The following TSEN15 variants were observed in gnomAD, a reference collection of about 807,000 sequenced individuals.
TSEN15 encodes the protein tRNA splicing endonuclease subunit 15, also known as tRNA-splicing endonuclease subunit Sen15.
TSEN15 carries 10 observed loss-of-function variants against 20.5 expected under a neutral mutation model. That is an observed-to-expected ratio of 0.49 (90% confidence interval 0.30 to 0.83). The LOEUF (loss-of-function observed/expected upper bound fraction) is 0.83, where lower values mean the gene tolerates loss of function less well. Among genes scored for constraint, TSEN15 ranks in the 40% least tolerant of loss-of-function variants. The probability of loss-of-function intolerance (pLI) is 0.06; values close to 1 mark genes in which losing one functional copy is unlikely to be tolerated. For synonymous variants in TSEN15, 72 were observed against 80.1 expected (o/e 0.90, Z 0.54); for missense variants, 180 against 218.6 (o/e 0.82, Z 1.11).
chr1:184,082,001 A>G (rs1025743831), intron 3 of TSEN15, among the ~76,000 whole-genome samples: 8 of 152,306 alleles, frequency 5.3e-5, no homozygotes, highest in Non-Finnish European at 7.4e-5. Context: ...GATTTAGTGG[A>G]ACTCTGCGAG....
At chr1:184,074,610 A>G (rs563507419), downstream of TSEN15, among the ~76,000 whole-genome samples, 17 of 152,276 alleles carry the variant, frequency 1.1e-4, no homozygotes, top group Admixed American at 7.2e-4. Flanking sequence ...ATGTAATCAC[A>G]TACATCCCAT....
chr1:184,062,285 C>A (rs1442669295), intron 3 of TSEN15, among the ~76,000 whole-genome samples: 1 of 152,070 alleles, frequency 6.6e-6, no homozygotes, highest in Non-Finnish European at 1.5e-5. Flanking sequence ...TAGATTGTTT[C>A]TTTGCTAAAT....
intron 3 of TSEN15, chr1:184,095,144 T>C (rs1651425512): frequency 2.5e-6 from 1 of 398,444 alleles, no homozygotes; most frequent in Non-Finnish European, 4.4e-6. Flanking sequence ...GAGTAACCCA[T>C]GACTTGTTTG....
At chr1:184,072,091 T>G (rs1045812778) in intron 3 of TSEN15, 66 bp from the exon 4 acceptor site, 4 of 1,502,696 alleles carry the variant, frequency 2.7e-6, no homozygotes, top group Non-Finnish European at 3.6e-6. Flanking sequence ...TCTAGTGCTT[T>G]CTTCTGTCAC....
chr1:184,051,899 G>A lies in TSEN15; in HGVS notation c.135+9G>A. ...TGGGCACTCACCCTAAGGTCAGGAG[G>A]CGCGAGAGGAGCAGGGCGCCGTCCA... On this transcript the variant is annotated intron_variant, in intron 1 of 4. Transcript: ENST00000645668. 1 of 1,531,846 alleles carries A rather than the reference G, an allele frequency of 6.5e-7. No individual in the cohort carries two copies. Among genetic ancestry groups the A allele is most frequent in the South Asian group, 1.2e-5 (1 of 81,168 alleles). 94.9% of individuals were successfully genotyped at this position (1,531,846 alleles called of 1,614,324 possible).
chr1:184,067,419 A>G (rs918373519), intron 3 of TSEN15, among the ~76,000 whole-genome samples: 2 of 152,138 alleles, frequency 1.3e-5, no homozygotes, highest in Non-Finnish European at 2.9e-5. Flanking sequence ...GTTCCCTGAA[A>G]GTGAGAACTT....
chr1:184,067,941 A>AAAAATATAT (rs1400681024), intron 3 of TSEN15, among the ~76,000 whole-genome samples: 32 of 95,574 alleles, frequency 3.3e-4, no homozygotes, highest in Admixed American at 8.7e-4. Context: ...AAAAAAAAAA[A>AAAAATATAT]ATATATATAT....
At chr1:184,057,473 A>G (rs1650290232) in intron 3 of TSEN15, among the ~76,000 whole-genome samples, 1 of 152,196 alleles carries the variant, frequency 6.6e-6, no homozygotes, top group Admixed American at 6.5e-5. Flanking sequence ...GCAGTCTAGT[A>G]GAAAGAGCCC....
Position 184,055,919 on chromosome 1 carries a change from C to CTG in TSEN15, c.353+1057_353+1058insGT, listed in dbSNP as rs577408559. Among the ~76,000 whole-genome samples the CTG allele has an allele frequency of 2.6e-3, 400 of 152,094 alleles. 2 individuals are homozygous for CTG. Among genetic ancestry groups the CTG allele is most frequent in the African/African-American group, 5.9e-3 (243 of 41,428 alleles). ...ACGTGCTTTCACTGACCTGAGGTAACTCATTCTGAATTCCATGTACATTGG... is the reference window on the plus strand; with the variant it reads ...ACGTGCTTTCACTGACCTGAGGTAACTGTCATTCTGAATTCCATGTACATTGG... On this transcript the variant is annotated intron_variant, in intron 3 of 4. Coordinates refer to ENST00000645668, the MANE Select transcript of TSEN15 (RefSeq NM_052965.4).
chr1:184,073,000 TCC>T lies in TSEN15; in HGVS notation c.*156_*157del. ...GGTTTTCATTCTGAAGAGTAAAACT[TCC>T]CCAGGTAGAAGACTTTCTCCTTCTT... On this transcript the variant is annotated 3_prime_UTR_variant, in exon 5 of 5. Transcript: ENST00000645668. The T allele has an allele frequency of 1.5e-6, 1 of 680,128 alleles. No homozygotes were observed. Among genetic ancestry groups the T allele is most frequent in the Non-Finnish European group, 2.5e-6 (1 of 407,934 alleles). 42.1% of individuals were successfully genotyped at this position (680,128 alleles called of 1,614,324 possible). A position where few individuals can be genotyped will look rare whatever the true frequency, so the allele number is the denominator to read the frequency against.
Position 184,051,835 on chromosome 1 carries a change from G to T in TSEN15, c.80G>T (p.Gly27Val). The change falls in exon 1 of 5, where the codon GGC (glycine) becomes GTC (valine). Residue 27 changes from glycine to valine, a missense_variant. Physicochemically the swap from Gly to Val is moderately radical, Grantham distance 109. This residue lies in a region of TSEN15 where 76 missense variants were observed against 66.5 expected (regional missense o/e 1.14). Coordinates refer to ENST00000645668, the MANE Select transcript of TSEN15 (RefSeq NM_052965.4). ...GGCGGTGTTCGCGGCTTTGGCGACG[G>T]CGGTGGAGCTCCTTCGTGGGCCCCT... The part of the protein sequence containing the change: ...GPGGVRGFGD[G>V]GGAPSWAPED... The T allele has an allele frequency of 6.5e-7, 1 of 1,548,446 alleles. No homozygotes were observed. Among genetic ancestry groups the T allele is most frequent in the Non-Finnish European group, 8.7e-7 (1 of 1,146,898 alleles).
intron 3 of TSEN15, chr1:184,058,239 TG>T: frequency 2.4e-6 from 1 of 415,930 alleles, no homozygotes; most frequent in Non-Finnish European, 4.7e-6. Flanking sequence ...AATGATAACT[TG>T]GTAAGCCATT....
At chr1:184,090,595 T>C (rs1287613676) in intron 3 of TSEN15, among the ~76,000 whole-genome samples, 1 of 152,222 alleles carries the variant, frequency 6.6e-6, no homozygotes, top group Non-Finnish European at 1.5e-5. Flanking sequence ...TCTCCTTTCT[T>C]CCTCCATGTG....
At chr1:184,080,554 C>G (rs1272806749) in intron 3 of TSEN15, among the ~76,000 whole-genome samples, 4 of 152,132 alleles carry the variant, frequency 2.6e-5, no homozygotes, top group Non-Finnish European at 5.9e-5. Context: ...TTACATTATC[C>G]TCTGATACTT....
rs3736958 is a variant in TSEN15, at chr1:184,054,455, T to G, written c.217+20T>G. 5 of 1,569,362 alleles carry G rather than the reference T, an allele frequency of 3.2e-6. No individual in the cohort carries two copies. The East Asian group carries it at 1.1e-4, about 35-fold the overall frequency. The stretch of plus-strand genomic sequence containing the variant: ...TGGAAAGTAAGTTGTTTGTTTATAT[T>G]GTTTTGTTATTGGGACTGTGGTAGA... On this transcript the variant is annotated intron_variant, in intron 2 of 4. Transcript: ENST00000645668.
downstream of TSEN15, among the ~76,000 whole-genome samples, chr1:184,076,348 A>G (rs1651061821): frequency 6.6e-6 from 1 of 152,038 alleles, no homozygotes; most frequent in African/African-American, 2.4e-5. Context: ...GTGTGCCACA[A>G]ATTGTGCCCA....
At position 184,073,807 on chromosome 1, in the gene TSEN15, A is replaced by G. The variant is rs866864661; in HGVS notation, c.*960A>G. Reference sequence around the variant, plus strand: ...TGTCATAACTTGTCAACACTGCTGTATGAAGCACAAAAGCAGCCATAGACA... The same window carrying G: ...TGTCATAACTTGTCAACACTGCTGTGTGAAGCACAAAAGCAGCCATAGACA... On this transcript the variant is annotated 3_prime_UTR_variant, in exon 5 of 5. Coordinates refer to ENST00000645668, the MANE Select transcript of TSEN15 (RefSeq NM_052965.4). The G allele has an allele frequency of 1.3e-5, 2 of 152,216 alleles. No homozygotes were observed. Among genetic ancestry groups the G allele is most frequent in the African/African-American group, 2.4e-5 (1 of 41,452 alleles). 9.4% of individuals were successfully genotyped at this position (152,216 alleles called of 1,614,324 possible). A position where few individuals can be genotyped will look rare whatever the true frequency, so the allele number is the denominator to read the frequency against.
downstream of TSEN15, among the ~76,000 whole-genome samples, chr1:184,077,590 CAAAGT>C (rs758474816): frequency 4.6e-5 from 7 of 152,056 alleles, no homozygotes; most frequent in African/African-American, 7.2e-5. Flanking sequence ...TGGATCTGGG[CAAAGT>C]AGACTGACAA....
chr1:184,051,951 C>G lies in TSEN15; in HGVS notation c.135+61C>G, dbSNP rs962051296. The G allele has an allele frequency of 5.1e-6, 7 of 1,365,494 alleles. No individual in the cohort carries two copies. In the African/African-American group the frequency reaches 1.1e-4, roughly 21 times the overall value. The allele number at this position is 1,365,494 out of a possible 1,614,324, so 84.6% of individuals were successfully genotyped here. A position where few individuals can be genotyped will look rare whatever the true frequency, so the allele number is the denominator to read the frequency against. ...GCCCCTAACCCAGGCAGAACACTCCCAGGCAGCTCTCTTTCTTTCTTCCTC... is the reference window on the plus strand; with the variant it reads ...GCCCCTAACCCAGGCAGAACACTCCGAGGCAGCTCTCTTTCTTTCTTCCTC... On this transcript the variant is annotated intron_variant, in intron 1 of 4. Coordinates refer to ENST00000645668, the MANE Select transcript of TSEN15 (RefSeq NM_052965.4).
Sources: allele counts gnomAD v4.1 joint callset (sites outside exome capture counted in the v4.1 genomes callset), GRCh38; gene constraint gnomAD v4.1.1; regional missense constraint gnomAD v4.1.1; transcripts MANE v1.5; gene names NCBI Gene and HGNC (gene_info 2026-07-23, HGNC 2026-07-21).